TSPEAR: variants seen among roughly 807,000 people sequenced by gnomAD.
TSPEAR encodes the protein thrombospondin type laminin G domain and EAR repeats.
TSPEAR carries 69 observed loss-of-function variants against 71.6 expected under a neutral mutation model. The observed-to-expected ratio is 0.96, with a 90% confidence interval of 0.79 to 1.18. TSPEAR has a LOEUF of 1.18. Ranked by LOEUF, TSPEAR falls within the 50% of genes most tolerant of loss-of-function variation. The probability of loss-of-function intolerance (pLI) is 0.00; values close to 1 mark genes in which losing one functional copy is unlikely to be tolerated. For synonymous variants in TSPEAR, 402 were observed against 387.2 expected (o/e 1.04, Z -0.45); for missense variants, 971 against 894.9 (o/e 1.09, Z -1.09).
chr21:44,517,680 C>G, intron 9 of TSPEAR: 1 of 447,216 alleles, frequency 2.2e-6, no homozygotes, highest in East Asian at 7.1e-5. Flanking sequence ...AAGCCACTGA[C>G]ATGTGGGAGC....
At chr21:44,686,674 T>C (rs1382456581) in intron 1 of TSPEAR, 1 of 152,412 alleles carries the variant, frequency 6.6e-6, no homozygotes, top group Non-Finnish European at 1.5e-5. Flanking sequence ...TCTCTGCTAT[T>C]GTTTAGCAAA....
At chr21:44,673,671 A>G (rs1229031275) in intron 1 of TSPEAR, among the ~76,000 whole-genome samples, 2 of 152,192 alleles carry the variant, frequency 1.3e-5, no homozygotes, top group Non-Finnish European at 2.9e-5. Flanking sequence ...TTCTTCTCAT[A>G]AGCACATGGA....
At chr21:44,673,274 G>A (rs1986146815) in intron 1 of TSPEAR, among the ~76,000 whole-genome samples, 1 of 152,166 alleles carries the variant, frequency 6.6e-6, no homozygotes, top group Non-Finnish European at 1.5e-5. Flanking sequence ...GAAAGAAACT[G>A]ACAGACAAGG....
intron 1 of TSPEAR, among the ~76,000 whole-genome samples, chr21:44,568,510 G>A (rs890089238): frequency 1.3e-5 from 2 of 152,208 alleles, no homozygotes; most frequent in African/African-American, 4.8e-5. Flanking sequence ...CCTGCCCCTC[G>A]TCCCCCTCTG....
In TSPEAR at chr21:44,600,728, A is replaced by C. The variant is rs59535157; in HGVS notation, c.83-32723T>G. 5,071 of 1,606,364 alleles carry C rather than the reference A, an allele frequency of 3.2e-3. 144 individuals carry two copies. In the African/African-American group the frequency reaches 0.062, roughly 20 times the overall value. On this transcript the variant is annotated intron_variant, in intron 1 of 11. Coordinates refer to ENST00000323084, the MANE Select transcript of TSPEAR (RefSeq NM_144991.3). ...TGCTCCGACTCCTGGCAGGTGGACG[A>C]CTGCCCAGAGAGCTGCTGCGAGCCC...
In TSPEAR at chr21:44,592,571, C is replaced by T. The variant is rs1980058039; in HGVS notation, c.83-24566G>A. On this transcript the variant is annotated intron_variant, in intron 1 of 11. Coordinates refer to ENST00000323084, the MANE Select transcript of TSPEAR (RefSeq NM_144991.3). ...TTTTATTCCACCTGGCCTTGTTGTC[C>T]CCGGGCCCACAGCTTCCCCTTCCGT... The T allele has an allele frequency of 7.9e-6, 12 of 1,527,900 alleles. No individual in the cohort carries two copies. In the Admixed American group the frequency reaches 8.1e-5, roughly 10 times the overall value. The allele number at this position is 1,527,900 out of a possible 1,614,324, so 94.6% of individuals were successfully genotyped here. A position where few individuals can be genotyped will look rare whatever the true frequency, so the allele number is the denominator to read the frequency against.
At chr21:44,561,326 T>C (rs782239131) in intron 2 of TSPEAR, among the ~76,000 whole-genome samples, 76 of 152,214 alleles carry the variant, frequency 5.0e-4, no homozygotes, top group Admixed American at 2.4e-3. Flanking sequence ...GTTCTGAAAT[T>C]GAGGCAGTAA....
At chr21:44,627,165 C>T (rs587663599) in intron 1 of TSPEAR, 2 of 1,610,434 alleles carry the variant, frequency 1.2e-6, no homozygotes, top group Non-Finnish European at 1.7e-6. Context: ...CTCCTCCCCA[C>T]CCCAGCATGG....
rs1288952275 is a variant in TSPEAR at position 44,658,464 on chromosome 21, C to T, written c.82+52969G>A. ...AACCCCCTCAAGGAAGTCTTGGCTG[C>T]CAGAGTCCTTCTCTCACTCCAGCAG... On this transcript the variant is annotated intron_variant, in intron 1 of 11. Transcript: ENST00000323084. 3 of 607,366 alleles carry T rather than the reference C, an allele frequency of 4.9e-6. No homozygotes were observed. The East Asian group carries it at 8.3e-5, about 17-fold the overall frequency. The allele number at this position is 607,366 out of a possible 1,614,324, so 37.6% of individuals were successfully genotyped here. A position where few individuals can be genotyped will look rare whatever the true frequency, so the allele number is the denominator to read the frequency against.
At chr21:44,705,108 A>T (rs1170486765) in intron 1 of TSPEAR, among the ~76,000 whole-genome samples, 1 of 152,210 alleles carries the variant, frequency 6.6e-6, no homozygotes, top group African/African-American at 2.4e-5. Context: ...ATGGACATTT[A>T]TTAGTTCCCC....
At position 44,589,064 on chromosome 21, in the gene TSPEAR, A is replaced by G. The variant is rs199654397; in HGVS notation, c.83-21059T>C. 8.0e-3 allele frequency among the ~76,000 whole-genome samples: 1,214 copies of G among 152,248 alleles called. 15 individuals carry two copies. The highest frequency in any genetic ancestry group is 0.02 in the Middle Eastern group (6 of 294). On this transcript the variant is annotated intron_variant, in intron 1 of 11. Transcript: ENST00000323084. ...ATAGGGTGCAGTGTATACTGCTCGA[A>G]TGATGGGTGCACCAAAATCTCACAA...
In TSPEAR at chr21:44,612,420, C is replaced by A; in HGVS notation, c.83-44415G>T. 3 of 1,614,162 alleles carry A rather than the reference C, an allele frequency of 1.9e-6. No homozygotes were observed. The highest frequency in any genetic ancestry group is 1.7e-5 in the Admixed American group (1 of 60,024). On this transcript the variant is annotated intron_variant, in intron 1 of 11. Coordinates refer to ENST00000323084, the MANE Select transcript of TSPEAR (RefSeq NM_144991.3). This position sits in a 1 kb window ranked among gnomAD's most constrained non-coding sequence, Gnocchi z 4.1. ...TGCCAGCAGTCTAGCTGCCAGCCGG[C>A]TTGCTGCACCTCCTCCCCCTGCCAA...
At chr21:44,508,912 C>T (rs1555912235) in intron 10 of TSPEAR, 2 of 1,494,892 alleles carry the variant, frequency 1.3e-6, no homozygotes, top group South Asian at 1.1e-5. Flanking sequence ...CCTGCCTCCA[C>T]TGCTCGGATG....
At chr21:44,701,904 G>C (rs1245076384) in intron 1 of TSPEAR, among the ~76,000 whole-genome samples, 2 of 152,126 alleles carry the variant, frequency 1.3e-5, no homozygotes, top group African/African-American at 4.8e-5. Context: ...TGTGTCTTTC[G>C]GCAAGTCTCT....
chr21:44,550,304 GCC>G (rs2053385189), intron 2 of TSPEAR: 2 of 286,242 alleles, frequency 7.0e-6, no homozygotes, highest in Non-Finnish European at 1.4e-5. Context: ...GCCAGGCCAG[GCC>G]CCACTCTGCC....
chr21:44,631,349 A>G (rs1555935688), intron 1 of TSPEAR, among the ~76,000 whole-genome samples: 1 of 152,206 alleles, frequency 6.6e-6, no homozygotes, highest in Non-Finnish European at 1.5e-5. Context: ...CCCACAGCCG[A>G]TTTGAACAGA....
intron 2 of TSPEAR, among the ~76,000 whole-genome samples, chr21:44,562,125 C>T (rs967069672): frequency 3.3e-5 from 5 of 152,156 alleles, no homozygotes; most frequent in African/African-American, 1.2e-4. Context: ...TAAGCAACTT[C>T]AGCAAAGTCT....
rs372355841 is a variant in TSPEAR at position 44,503,886 on chromosome 21, G to T, written c.1856+894C>A. Among the ~76,000 whole-genome samples the T allele has an allele frequency of 1.2e-3, 167 of 141,386 alleles. 2 individuals are homozygous for T. The South Asian group carries it at 0.03, about 26-fold the overall frequency. 92.8% of individuals were successfully genotyped at this position (141,386 alleles called of 152,430 possible). On this transcript the variant is annotated intron_variant, in intron 11 of 11. Transcript: ENST00000323084. ...GAAGCCGGCCTTGGTGAGCCCACAG[G>T]GGGGAAGCAATGTGCTGGGAGGAAG...
At chr21:44,632,160 C>A (rs1326283726) in intron 1 of TSPEAR, among the ~76,000 whole-genome samples, 1 of 152,142 alleles carries the variant, frequency 6.6e-6, no homozygotes, top group Non-Finnish European at 1.5e-5. Flanking sequence ...TGAATCTACA[C>A]ATTCAAGAAG....
Sources: gnomAD v4.1 joint callset for allele counts (sites outside exome capture counted in the v4.1 genomes callset) on GRCh38, gnomAD v4.1.1 for gene constraint, Gnocchi (gnomAD v3.1) non-coding constraint, MANE v1.5 for transcripts, NCBI Gene and HGNC (gene_info 2026-07-23, HGNC 2026-07-21) for gene names.